SESTD1: variants seen among roughly 807,000 people sequenced by gnomAD.
SESTD1 encodes SEC14 and spectrin domain containing 1.
In SESTD1, 43 loss-of-function variants were observed where a neutral mutation model predicts 101.7. The observed-to-expected ratio is 0.42, with a 90% CI of 0.33 to 0.55. The LOEUF (loss-of-function observed/expected upper bound fraction) is 0.55. Ranked by LOEUF, SESTD1 falls within the 20% of genes least tolerant of loss-of-function variation. SESTD1 has a pLI of 0.07. For missense variants in SESTD1, 647 were observed against 815.1 expected (o/e 0.79, Z 2.51); for synonymous variants, 283 against 286.8 (o/e 0.99, Z 0.13).
chr2:179,119,163 G>A (rs1168667453), intron 13 of SESTD1, among the ~76,000 whole-genome samples: 1 of 152,170 alleles, frequency 6.6e-6, no homozygotes, highest in East Asian at 1.9e-4. Flanking sequence ...TTACACAATT[G>A]TTGTACTTTA....
chr2:179,189,210 CA>C (rs1023934442), intron 2 of SESTD1, among the ~76,000 whole-genome samples: 2 of 152,060 alleles, frequency 1.3e-5, no homozygotes, highest in African/African-American at 4.8e-5. Context: ...CACAGCAAAC[CA>C]AAAAGTTAAT....
rs747774809 is a variant in SESTD1, at chr2:179,143,662, C to T, written c.779G>A (p.Arg260His). The change falls in exon 9 of 18, where the codon CGC becomes CAC. Residue 260 changes from arginine (R) to histidine (H), a missense_variant. Transcript: ENST00000428443. ...ACGTTGCCTACAAACTTCCTGGTAG[C>T]GGGTATATTGCTCTCGGAGTGAATC... ...LLDSLREQYT[R>H]YQEVCRQRSK... 3.7e-6 allele frequency: 6 copies of T among 1,613,856 alleles called. No individual in the cohort carries two copies. Among genetic ancestry groups the T allele is most frequent in the South Asian group, 2.2e-5 (2 of 91,068 alleles).
chr2:179,115,249 T>C lies in SESTD1; in HGVS notation c.1655A>G (p.Tyr552Cys), dbSNP rs1575420270. 1 of 1,572,240 alleles carries C rather than the reference T, an allele frequency of 6.4e-7. No homozygotes were observed. The highest frequency in any genetic ancestry group is 8.6e-7 in the Non-Finnish European group (1 of 1,165,736). ...CTGTAGCAACTGCCTGCCATAGTCA[T>C]AAGTGCTCTAAAAAAGAAAAGGAAA... ...RKFVDVAQSTYDYGRQLLQAT... is the reference protein window; with the variant it reads ...RKFVDVAQSTCDYGRQLLQAT... Residue 552 changes from tyrosine to cysteine, a missense_variant, in exon 16 of 18, where the codon TAT becomes TGT. Around this residue, in one of 3 missense-constraint regions of SESTD1, gnomAD observed 476 missense variants for 562.6 expected, o/e 0.85. Transcript: ENST00000428443.
intron 5 of SESTD1, among the ~76,000 whole-genome samples, chr2:179,158,488 T>A (rs1446960253): frequency 6.6e-6 from 1 of 152,222 alleles, no homozygotes; most frequent in East Asian, 1.9e-4. Context: ...TATTTCCATG[T>A]GAATAATTCT....
At position 179,108,028 on chromosome 2, in the gene SESTD1, C is replaced by T. The variant is rs551013420; in HGVS notation, c.*1871G>A. 3.3e-5 allele frequency: 5 copies of T among 152,252 alleles called. No individual in the cohort carries two copies. The highest frequency in any genetic ancestry group is 1.2e-4 in the African/African-American group (5 of 41,550). The allele number at this position is 152,252 out of a possible 1,614,324, so 9.4% of individuals were successfully genotyped here. ...TGGCATGTTTGACTAGGAAAAAAGG[C>T]TGCACCATTAACCTAAATTGTTCCA... On this transcript the variant is annotated 3_prime_UTR_variant, in exon 18 of 18. Coordinates refer to ENST00000428443, the MANE Select transcript of SESTD1 (RefSeq NM_178123.5).
intron 2 of SESTD1, among the ~76,000 whole-genome samples, chr2:179,187,444 T>C (rs1487348270): frequency 6.6e-6 from 1 of 152,020 alleles, no homozygotes; most frequent in Admixed American, 6.6e-5. Context: ...GGGCAATATA[T>C]AAGGACACCT....
Position 179,151,365 on chromosome 2 carries a change from C to A in SESTD1, c.396G>T (p.Leu132Phe). The A allele has an allele frequency of 6.2e-7, 1 of 1,602,520 alleles. No homozygotes were observed. Among genetic ancestry groups the A allele is most frequent in the East Asian group, 2.3e-5 (1 of 44,200 alleles). ...ATTGGCATGGTTCTATATAACGAGT[C>A]AATTTGTTGGCGGACACTAAAATAA... The part of the protein sequence containing the change: ...FEVILVSANK[L>F]TRYIEPCQLT... Residue 132 changes from leucine (L) to phenylalanine (F), a missense_variant, in exon 6 of 18, where the codon TTG becomes TTT. Physicochemically the swap from Leu to Phe is conservative, Grantham distance 22. Coordinates refer to ENST00000428443, the MANE Select transcript of SESTD1 (RefSeq NM_178123.5).
chr2:179,138,283 C>T (rs936583957), intron 9 of SESTD1, among the ~76,000 whole-genome samples: 1 of 152,182 alleles, frequency 6.6e-6, no homozygotes, highest in African/African-American at 2.4e-5. Context: ...GCCCCTCTGT[C>T]TTTCTGTCAT....
At chr2:179,230,812 T>C (rs1216021685) in intron 1 of SESTD1, among the ~76,000 whole-genome samples, 1 of 152,050 alleles carries the variant, frequency 6.6e-6, no homozygotes, top group Non-Finnish European at 1.5e-5. Context: ...AAAAATCTGA[T>C]TCTACATATT....
At chr2:179,115,697 A>ATGAT (rs1267599344) in intron 15 of SESTD1, among the ~76,000 whole-genome samples, 2 of 152,128 alleles carry the variant, frequency 1.3e-5, no homozygotes, top group African/African-American at 4.8e-5. Flanking sequence ...GCAGTGCGCT[A>ATGAT]TGATTGTGCT....
chr2:179,183,511 C>A (rs1432104899), intron 2 of SESTD1, among the ~76,000 whole-genome samples: 1 of 151,702 alleles, frequency 6.6e-6, no homozygotes, highest in African/African-American at 2.4e-5. Flanking sequence ...TAAGTATTTG[C>A]AAGTAAAATA....
At chr2:179,238,286 A>G (rs2047098606) in intron 1 of SESTD1, among the ~76,000 whole-genome samples, 1 of 152,142 alleles carries the variant, frequency 6.6e-6, no homozygotes, top group Non-Finnish European at 1.5e-5. Context: ...AAGTGAACCC[A>G]TCTGGTTCAA....
intron 12 of SESTD1, 54 bp from the exon 13 acceptor site, chr2:179,121,983 C>T (rs1183134224): frequency 2.6e-6 from 4 of 1,517,996 alleles, no homozygotes; most frequent in African/African-American, 2.8e-5. Flanking sequence ...CGCTTTCCCT[C>T]CCTCAAACAA....
intron 1 of SESTD1, among the ~76,000 whole-genome samples, chr2:179,247,112 T>A (rs1393482741): frequency 6.6e-6 from 1 of 152,176 alleles, no homozygotes; most frequent in Non-Finnish European, 1.5e-5. Context: ...TGGGCACATA[T>A]TTTTAAAGTA....
rs2046791867 is a variant in SESTD1, at chr2:179,220,095, A to G, written c.-25-28229T>C. On this transcript the variant is annotated intron_variant, in intron 1 of 17. Coordinates refer to ENST00000428443, the MANE Select transcript of SESTD1 (RefSeq NM_178123.5). ...CATTAAAAGTCCTATACTATATTTAAAATTCAAAAGTCTACTGAAAATGGT... is the reference window on the plus strand; with the variant it reads ...CATTAAAAGTCCTATACTATATTTAGAATTCAAAAGTCTACTGAAAATGGT... Among the ~76,000 whole-genome samples, 3 of 109,544 alleles carry G rather than the reference A, an allele frequency of 2.7e-5. No individual in the cohort carries two copies. The South Asian group carries it at 1.1e-3, about 39-fold the overall frequency. 71.9% of individuals were successfully genotyped at this position (109,544 alleles called of 152,430 possible). A position where few individuals can be genotyped will look rare whatever the true frequency, so the allele number is the denominator to read the frequency against.
intron 1 of SESTD1, among the ~76,000 whole-genome samples, chr2:179,260,370 G>C (rs1354880041): frequency 6.6e-6 from 1 of 152,154 alleles, no homozygotes; most frequent in Non-Finnish European, 1.5e-5. Flanking sequence ...GCAAAAATTA[G>C]CTGGGCATGG....
chr2:179,216,484 C>CA lies in SESTD1; in HGVS notation c.-25-24619dup, dbSNP rs1356659831. Among the ~76,000 whole-genome samples, 2 of 134,738 alleles carry CA rather than the reference C, an allele frequency of 1.5e-5. 1 individual carries two copies. The highest frequency in any genetic ancestry group is 3.2e-5 in the Non-Finnish European group (2 of 62,722). 88.4% of individuals were successfully genotyped at this position (134,738 alleles called of 152,430 possible). A position where few individuals can be genotyped will look rare whatever the true frequency, so the allele number is the denominator to read the frequency against. On this transcript the variant is annotated intron_variant, in intron 1 of 17. Coordinates refer to ENST00000428443, the MANE Select transcript of SESTD1 (RefSeq NM_178123.5). ...CACTGCTCAATGAAATAAAAGAGGACACAAACAAATGGAAGAATATTCCAT... is the reference window on the plus strand; with the variant it reads ...CACTGCTCAATGAAATAAAAGAGGACAACAAACAAATGGAAGAATATTCCAT...
At position 179,241,331 on chromosome 2, in the gene SESTD1, T is replaced by A. The variant is rs112516261; in HGVS notation, c.-26+23168A>T. Reference sequence around the variant, plus strand: ...ATTAAGGGCTAAAAACTTCCCCAATTTGGCAAAGAACCCAAACATAAAGAA... The same window carrying A: ...ATTAAGGGCTAAAAACTTCCCCAATATGGCAAAGAACCCAAACATAAAGAA... On this transcript the variant is annotated intron_variant, in intron 1 of 17. Transcript: ENST00000428443. Among the ~76,000 whole-genome samples, 316 of 151,940 alleles carry A rather than the reference T, an allele frequency of 2.1e-3. 3 individuals carry two copies. The highest frequency in any genetic ancestry group is 7.2e-3 in the African/African-American group (300 of 41,418).
intron 5 of SESTD1, among the ~76,000 whole-genome samples, chr2:179,164,300 A>G (rs1433572755): frequency 6.6e-6 from 1 of 152,196 alleles, no homozygotes; most frequent in Non-Finnish European, 1.5e-5. Flanking sequence ...TATAGTCTCA[A>G]AAAAGAACAT....
Sources: allele counts gnomAD v4.1 joint callset (sites outside exome capture counted in the v4.1 genomes callset), GRCh38; gene constraint gnomAD v4.1.1; regional missense constraint gnomAD v4.1.1; transcripts MANE v1.5; gene names NCBI Gene and HGNC (gene_info 2026-07-23, HGNC 2026-07-21).